ZYG11B: variants seen among roughly 807,000 people sequenced by gnomAD.
The protein encoded by ZYG11B is protein zyg-11 homolog B.
Under a neutral mutation model 82.4 loss-of-function variants are expected in ZYG11B, and 36 were observed. That is an observed-to-expected ratio of 0.44 (90% CI 0.33 to 0.58). The LOEUF is 0.58. Among genes scored for constraint, ZYG11B ranks in the 20% least tolerant of loss-of-function variants. The pLI is 0.02. For missense variants in ZYG11B, 552 were observed against 895.6 expected, an observed-to-expected ratio of 0.62 and a Z score of 4.90; for synonymous variants, 303 against 312.8, an observed-to-expected ratio of 0.97 and a Z score of 0.33.
intron 10 of ZYG11B, among the ~76,000 whole-genome samples, 199 bp downstream of exon 10, chr1:52,802,338 CTCTTTTTT>C (rs1195290699): frequency 7.6e-6 from 1 of 131,854 alleles, no homozygotes; most frequent in African/African-American, 3.1e-5. Flanking sequence ...CTTTCTTTCT[CTCTTTTTT>C]TTTTTTTTTT....
At chr1:52,817,410 G>A (rs536250050) in intron 13 of ZYG11B, among the ~76,000 whole-genome samples, 5 of 152,010 alleles carry the variant, frequency 3.3e-5, no homozygotes, top group Admixed American at 3.3e-4. Flanking sequence ...TATTTATTTA[G>A]AGACAAGGTC....
intron 1 of ZYG11B, among the ~76,000 whole-genome samples, chr1:52,729,768 A>T (rs996069810): frequency 2.6e-4 from 39 of 151,342 alleles, no homozygotes; most frequent in Non-Finnish European, 4.4e-4. Flanking sequence ...TGAACCCAGG[A>T]GGTGGAGGTT....
At chr1:52,799,717 T>G (rs1645059781) in intron 8 of ZYG11B, among the ~76,000 whole-genome samples, 1 of 149,554 alleles carries the variant, frequency 6.7e-6, no homozygotes, top group African/African-American at 2.5e-5. Context: ...ATCGCTTGAA[T>G]CGGGAAGGTG....
chr1:52,803,087 C>CATATATACACATATATATATATATAT (rs1645092541), intron 10 of ZYG11B, among the ~76,000 whole-genome samples: 1 of 22,544 alleles, frequency 4.4e-5, no homozygotes, highest in Non-Finnish European at 1.0e-4. Flanking sequence ...TATATATACA[C>CATATATACACATATATATATATATAT]ATATATATAT....
chr1:52,736,903 G>A (rs769093899), intron 1 of ZYG11B, among the ~76,000 whole-genome samples: 26 of 151,182 alleles, frequency 1.7e-4, no homozygotes, highest in Middle Eastern at 3.6e-3. Context: ...AGTGTTTTAT[G>A]TAGTATACTA....
intron 1 of ZYG11B, among the ~76,000 whole-genome samples, chr1:52,730,651 G>T (rs573857265): frequency 2.8e-4 from 43 of 152,150 alleles, no homozygotes; most frequent in African/African-American, 9.6e-4. Context: ...TTTTAAATGT[G>T]AAGAGTTTTA....
In ZYG11B at chr1:52,821,754, T is replaced by A; in HGVS notation, c.*125T>A. The stretch of plus-strand genomic sequence containing the variant: ...AAGAGTCATAAAATCAGTTTGGGAT[T>A]GATAATGTGTAGTACTGCCCATGTG... On this transcript the variant is annotated 3_prime_UTR_variant, in exon 14 of 14. Transcript: ENST00000294353. 1 of 883,134 alleles carries A rather than the reference T, an allele frequency of 1.1e-6. No homozygotes were observed. The highest frequency in any genetic ancestry group is 1.7e-6 in the Non-Finnish European group (1 of 584,234). The allele number at this position is 883,134 out of a possible 1,614,324, so 54.7% of individuals were successfully genotyped here. A position where few individuals can be genotyped will look rare whatever the true frequency, so the allele number is the denominator to read the frequency against.
chr1:52,817,835 TTTTTTTTTTTTTTTTTTTTTG>T (rs1645248990), intron 13 of ZYG11B, among the ~76,000 whole-genome samples: 3 of 27,542 alleles, frequency 1.1e-4, no homozygotes, highest in African/African-American at 3.6e-4. Flanking sequence ...TTTTTTTTTT[TTTTTTTTTTTTTTTTTTTTTG>T]AGATGGAGTC....
rs183327426 is a variant in ZYG11B, at chr1:52,797,789, G to A, written c.1485+1005G>A. On this transcript the variant is annotated intron_variant, in intron 8 of 13. Transcript: ENST00000294353. ...CTCCCAAAGTGCTGGGATTACAGGC[G>A]TGAGCCACCGTGCCCGGCCAACATT... Among the ~76,000 whole-genome samples the A allele has an allele frequency of 4.5e-3, 674 of 151,360 alleles. 6 individuals carry two copies. Among genetic ancestry groups the A allele is most frequent in the African/African-American group, 0.016 (647 of 41,370 alleles).
At chr1:52,742,568 C>A (rs1397810105) in intron 1 of ZYG11B, among the ~76,000 whole-genome samples, 1 of 152,074 alleles carries the variant, frequency 6.6e-6, no homozygotes. Context: ...GTAGGCCAGG[C>A]GCGGTGGCTC....
At chr1:52,762,457 C>T (rs1644640090) in intron 2 of ZYG11B, among the ~76,000 whole-genome samples, 1 of 152,132 alleles carries the variant, frequency 6.6e-6, no homozygotes. Context: ...GATCCTCTTG[C>T]CTCGGCCTCC....
At chr1:52,793,162 T>G (rs1456213850) in intron 6 of ZYG11B, among the ~76,000 whole-genome samples, 1 of 151,966 alleles carries the variant, frequency 6.6e-6, no homozygotes, top group Admixed American at 6.6e-5. Context: ...TTGTTACTAT[T>G]TTACAGATAA....
rs1309175671 is a variant in ZYG11B, at chr1:52,726,553, C to T, written c.-101C>T. 3.3e-6 allele frequency: 4 copies of T among 1,214,954 alleles called. No individual in the cohort carries two copies. The highest frequency in any genetic ancestry group is 4.2e-6 in the Non-Finnish European group (4 of 945,800). The allele number at this position is 1,214,954 out of a possible 1,614,324, so 75.3% of individuals were successfully genotyped here. A position where few individuals can be genotyped will look rare whatever the true frequency, so the allele number is the denominator to read the frequency against. On this transcript the variant is annotated 5_prime_UTR_variant, in exon 1 of 14. Transcript: ENST00000294353. Reference sequence around the variant, plus strand: ...AAAGAGGCCGAGGCCTGGGCCAAGCCCGGAGCCGCCGCTCGCCGGAGCCTC... The same window carrying T: ...AAAGAGGCCGAGGCCTGGGCCAAGCTCGGAGCCGCCGCTCGCCGGAGCCTC...
chr1:52,806,714 T>C (rs780256589), intron 10 of ZYG11B, among the ~76,000 whole-genome samples: 1 of 152,294 alleles, frequency 6.6e-6, no homozygotes, highest in Non-Finnish European at 1.5e-5. Context: ...ATATTTAAAA[T>C]GTATTTCTTG....
At chr1:52,808,635 G>T (rs1645160772) in intron 10 of ZYG11B, among the ~76,000 whole-genome samples, 1 of 151,990 alleles carries the variant, frequency 6.6e-6, no homozygotes, top group South Asian at 2.1e-4. Flanking sequence ...CAAAGTGCTG[G>T]GCTTACAGGA....
At chr1:52,755,268 A>T (rs1230439859) in intron 1 of ZYG11B, among the ~76,000 whole-genome samples, 4 of 151,578 alleles carry the variant, frequency 2.6e-5, no homozygotes, top group African/African-American at 9.7e-5. Context: ...GCCAAAAAGC[A>T]AGCCCGTTGA....
intron 2 of ZYG11B, among the ~76,000 whole-genome samples, chr1:52,759,836 C>A (rs546942822): frequency 6.6e-6 from 1 of 152,166 alleles, no homozygotes; most frequent in Admixed American, 6.5e-5. Context: ...ATTGCTGTTA[C>A]TATTTTTTCC....
At chr1:52,810,559 C>T (rs1482772502) in intron 10 of ZYG11B, among the ~76,000 whole-genome samples, 1 of 152,176 alleles carries the variant, frequency 6.6e-6, no homozygotes, top group Non-Finnish European at 1.5e-5. Flanking sequence ...GGCAATAGCT[C>T]ACTTTGTTTT....
At chr1:52,774,791 T>C (rs886610805) in intron 3 of ZYG11B, among the ~76,000 whole-genome samples, 1 of 151,966 alleles carries the variant, frequency 6.6e-6, no homozygotes, top group African/African-American at 2.4e-5. Flanking sequence ...TTTTCTCTTC[T>C]CACTATTTCC....
Sources: gnomAD v4.1 joint callset for allele counts (sites outside exome capture counted in the v4.1 genomes callset) on GRCh38, gnomAD v4.1.1 for gene constraint, MANE v1.5 for transcripts, NCBI Gene and HGNC (gene_info 2026-07-23, HGNC 2026-07-21) for gene names.